Variants in OGFRL1 observed in about 807,000 individuals in gnomAD.
The protein encoded by OGFRL1 is opioid growth factor receptor-like protein 1.
Under a neutral mutation model 32.4 loss-of-function variants are expected in OGFRL1, and 26 were observed. That is an observed-to-expected ratio of 0.80 (90% CI 0.59 to 1.11). The LOEUF is 1.11. Ranked by LOEUF, OGFRL1 falls within the 50% of genes most tolerant of loss-of-function variation. The pLI is 0.00. For synonymous variants in OGFRL1, 211 were observed against 201.2 expected (o/e 1.05, Z -0.41); for missense variants, 521 against 546.4 (o/e 0.95, Z 0.46).
chr6:71,295,448 C>T (rs1165755333), intron 3 of OGFRL1: 1 of 152,098 alleles, frequency 6.6e-6, no homozygotes, highest in Non-Finnish European at 1.5e-5. Context: ...TTGTAAGGAC[C>T]TTGACAGACT....
Position 71,304,810 on chromosome 6 carries a change from G to T in OGFRL1, c.*2761G>T, listed in dbSNP as rs1270529132. ...TTTAAATGCATATTCATATATAATA[G>T]TATGTTTCTTACATTTAATCCCTAA... On this transcript the variant is annotated 3_prime_UTR_variant, in exon 7 of 7. Transcript: ENST00000370435. 6.6e-6 allele frequency: 1 copy of T among 151,982 alleles called. No individual in the cohort carries two copies. The highest frequency in any genetic ancestry group is 1.5e-5 in the Non-Finnish European group (1 of 67,910). The allele number at this position is 151,982 out of a possible 1,614,324, so 9.4% of individuals were successfully genotyped here. A position where few individuals can be genotyped will look rare whatever the true frequency, so the allele number is the denominator to read the frequency against.
rs778252271 is a variant in OGFRL1 at position 71,305,230 on chromosome 6, C to T, written c.*3181C>T. On this transcript the variant is annotated 3_prime_UTR_variant, in exon 7 of 7. Coordinates refer to ENST00000370435, the MANE Select transcript of OGFRL1 (RefSeq NM_024576.5). The stretch of plus-strand genomic sequence containing the variant: ...ATTTCATGGCAAATAGATGTTATAT[C>T]GCTTGATTAGTCTAGAACATTTCTA... 2.0e-5 allele frequency: 3 copies of T among 151,812 alleles called. No homozygotes were observed. Among genetic ancestry groups the T allele is most frequent in the East Asian group, 1.9e-4 (1 of 5,194 alleles). 9.4% of individuals were successfully genotyped at this position (151,812 alleles called of 1,614,324 possible).
chr6:71,292,991 G>A (rs1042785079), intron 1 of OGFRL1, among the ~76,000 whole-genome samples: 20 of 152,074 alleles, frequency 1.3e-4, no homozygotes, highest in Non-Finnish European at 2.5e-4. Context: ...TCCTTTTTGA[G>A]TTCCATTTTT....
intron 1 of OGFRL1, 182 bp downstream of exon 1, chr6:71,289,352 C>G (rs1400001617): frequency 1.0e-6 from 1 of 972,880 alleles, no homozygotes; most frequent in South Asian, 4.7e-5. Context: ...CCTGCAGGAG[C>G]CCAAAGCGCC....
intron 1 of OGFRL1, 29 bp from the exon 2 acceptor site, chr6:71,293,264 T>C (rs1459605655): frequency 1.3e-6 from 2 of 1,575,672 alleles, no homozygotes; most frequent in Non-Finnish European, 1.7e-6. Context: ...TGCGTCAACA[T>C]GTAAACGGAG....
chr6:71,303,008 C>T lies in OGFRL1; in HGVS notation c.*959C>T, dbSNP rs550555569. On this transcript the variant is annotated 3_prime_UTR_variant, in exon 7 of 7. Coordinates refer to ENST00000370435, the MANE Select transcript of OGFRL1 (RefSeq NM_024576.5). ...TCTTTCTCAGCTAGCGTGTGTGTTT[C>T]TAGTGTAGTTGGCCCTCCATATTCA... 6.6e-6 allele frequency: 1 copy of T among 152,210 alleles called. No individual in the cohort carries two copies. Among genetic ancestry groups the T allele is most frequent in the East Asian group, 1.9e-4 (1 of 5,170 alleles). 9.4% of individuals were successfully genotyped at this position (152,210 alleles called of 1,614,324 possible). A position where few individuals can be genotyped will look rare whatever the true frequency, so the allele number is the denominator to read the frequency against.
At chr6:71,290,390 C>G (rs1169944531) in intron 1 of OGFRL1, among the ~76,000 whole-genome samples, 1 of 152,172 alleles carries the variant, frequency 6.6e-6, no homozygotes, top group Non-Finnish European at 1.5e-5. Flanking sequence ...TTATTAGATG[C>G]TGCATTCTCA....
At chr6:71,293,820 G>A (rs536616435) in intron 3 of OGFRL1, among the ~76,000 whole-genome samples, 1 of 152,222 alleles carries the variant, frequency 6.6e-6, no homozygotes, top group South Asian at 2.1e-4. Flanking sequence ...GACAATTTTT[G>A]TGACAGGAAG....
chr6:71,290,932 G>A (rs1561945582), intron 1 of OGFRL1, among the ~76,000 whole-genome samples: 1 of 152,134 alleles, frequency 6.6e-6, no homozygotes, highest in Non-Finnish European at 1.5e-5. Context: ...ATCATTTGTT[G>A]GGTAGTTAAA....
chr6:71,305,983 C>G lies in OGFRL1; in HGVS notation c.*3934C>G, dbSNP rs191358912. The G allele has an allele frequency of 1.1e-4, 16 of 152,312 alleles. No individual in the cohort carries two copies. Among genetic ancestry groups the G allele is most frequent in the Non-Finnish European group, 2.2e-4 (15 of 67,968 alleles). 9.4% of individuals were successfully genotyped at this position (152,312 alleles called of 1,614,324 possible). A position where few individuals can be genotyped will look rare whatever the true frequency, so the allele number is the denominator to read the frequency against. ...CTCTTCTAAAGCTTTGTTTTCTAAT[C>G]TAAGATACAAAGGATATTCTTGATC... is the stretch of plus-strand genomic sequence containing the variant. On this transcript the variant is annotated 3_prime_UTR_variant, in exon 7 of 7. Transcript: ENST00000370435.
intron 3 of OGFRL1, chr6:71,295,567 A>G (rs927547208): frequency 2.0e-5 from 3 of 152,142 alleles, no homozygotes; most frequent in Non-Finnish European, 2.9e-5. Context: ...CTCAAGATTT[A>G]CTTTTTTACT....
intron 1 of OGFRL1, among the ~76,000 whole-genome samples, chr6:71,291,179 C>T (rs1339008241): frequency 6.6e-6 from 1 of 152,186 alleles, no homozygotes; most frequent in Non-Finnish European, 1.5e-5. Context: ...AAGCCAAATA[C>T]TGACAGTGTT....
chr6:71,298,985 T>G (rs192050594), intron 6 of OGFRL1, among the ~76,000 whole-genome samples: 12 of 152,226 alleles, frequency 7.9e-5, no homozygotes, highest in Admixed American at 2.6e-4. Flanking sequence ...TAAAATAACA[T>G]TGAGTGAACA....
Position 71,296,724 on chromosome 6 carries a change from T to C in OGFRL1, c.599T>C (p.Met200Thr). Residue 200 changes from methionine to threonine, a missense_variant, in exon 6 of 7, where the codon ATG (methionine) becomes ACG (threonine). By Grantham distance (81) the Met-to-Thr change is moderately conservative (BLOSUM62 -1). Coordinates refer to ENST00000370435, the MANE Select transcript of OGFRL1 (RefSeq NM_024576.5). ...AIRRFLLAYK[M>T]MLEFFGIKLT... ...AGAAGATTCCTCCTGGCTTATAAAA[T>C]GATGCTAGAATTTTTTGGAATAAAA... 2 of 1,613,668 alleles carry C rather than the reference T, an allele frequency of 1.2e-6. No homozygotes were observed. Among genetic ancestry groups the C allele is most frequent in the Non-Finnish European group, 1.7e-6 (2 of 1,179,742 alleles).
At position 71,288,957 on chromosome 6, in the gene OGFRL1, G is replaced by A. The variant is rs774005329; in HGVS notation, c.21G>A (p.Gly7=). Residue 7 remains glycine (G), a synonymous_variant, in exon 1 of 7, where the codon GGG becomes GGA. Transcript: ENST00000370435. The part of the protein sequence containing the change: MGNLLG[G]VSFREPTTVE... ...CTTCAATGGGCAACCTGCTCGGCGG[G>A]GTCAGCTTCCGCGAGCCCACCACCG... is the stretch of plus-strand genomic sequence containing the variant. 7.2e-6 allele frequency: 10 copies of A among 1,385,078 alleles called. 1 individual carries two copies. In the South Asian group the frequency reaches 1.0e-4, roughly 14 times the overall value. 85.8% of individuals were successfully genotyped at this position (1,385,078 alleles called of 1,614,324 possible).
rs879436279 is a variant in OGFRL1 at position 71,307,333 on chromosome 6, TC to T, written c.*5285del. 4 of 152,168 alleles carry T rather than the reference TC, an allele frequency of 2.6e-5. No individual in the cohort carries two copies. The highest frequency in any genetic ancestry group is 2.6e-4 in the Admixed American group (4 of 15,270). 9.4% of individuals were successfully genotyped at this position (152,168 alleles called of 1,614,324 possible). ...TCTGACTTCTGGGGAGGATAGGCCATCATGGACTCCATACACAATTTTGATG... is the reference window on the plus strand; with the variant it reads ...TCTGACTTCTGGGGAGGATAGGCCATATGGACTCCATACACAATTTTGATG... On this transcript the variant is annotated 3_prime_UTR_variant, in exon 7 of 7. Coordinates refer to ENST00000370435, the MANE Select transcript of OGFRL1 (RefSeq NM_024576.5).
intron 1 of OGFRL1, among the ~76,000 whole-genome samples, chr6:71,290,670 C>G (rs374148316): frequency 6.6e-6 from 1 of 152,202 alleles, no homozygotes; most frequent in African/African-American, 2.4e-5. Flanking sequence ...ACTGCCAACC[C>G]TATTTGTTGT....
chr6:71,298,306 T>A (rs1201664132), intron 6 of OGFRL1, among the ~76,000 whole-genome samples: 1 of 152,108 alleles, frequency 6.6e-6, no homozygotes. Context: ...AAGAGCTACA[T>A]GCCAGCAGCC....
In OGFRL1 at chr6:71,302,295, AT is replaced by A. The variant is rs141460565; in HGVS notation, c.*250del. ...ATGCTTTTAGGATGTGAATTTTCAA[AT>A]TTTGTATATAATAATTACTTTGAGA... On this transcript the variant is annotated 3_prime_UTR_variant, in exon 7 of 7. Transcript: ENST00000370435. 1,067 of 295,434 alleles carry A rather than the reference AT, an allele frequency of 3.6e-3. 12 individuals carry two copies. The highest frequency in any genetic ancestry group is 0.021 in the African/African-American group (965 of 46,200). The allele number at this position is 295,434 out of a possible 1,614,324, so 18.3% of individuals were successfully genotyped here. A position where few individuals can be genotyped will look rare whatever the true frequency, so the allele number is the denominator to read the frequency against.
Sources: gnomAD v4.1 joint callset for allele counts (sites outside exome capture counted in the v4.1 genomes callset) on GRCh38, gnomAD v4.1.1 for gene constraint, MANE v1.5 for transcripts, NCBI Gene and HGNC (gene_info 2026-07-23, HGNC 2026-07-21) for gene names.